SLC10A7: variants seen among roughly 807,000 people sequenced by gnomAD.
The protein encoded by SLC10A7 is solute carrier family 10 member 7.
Under a neutral mutation model 43.2 loss-of-function variants are expected in SLC10A7, and 29 were observed. That is an observed-to-expected ratio of 0.67 (90% CI 0.50 to 0.92). SLC10A7 has a LOEUF of 0.92. Among genes scored for constraint, SLC10A7 ranks in the 40% least tolerant of loss-of-function variants. The probability of loss-of-function intolerance (pLI) is 0.00; values close to 1 mark genes in which losing one functional copy is unlikely to be tolerated. For missense variants in SLC10A7, 295 were observed against 403.2 expected, an observed-to-expected ratio of 0.73 and a Z score of 2.30; for synonymous variants, 152 against 144.8, an observed-to-expected ratio of 1.05 and a Z score of -0.35.
At chr4:146,290,058 C>G (rs975892888) in intron 9 of SLC10A7, among the ~76,000 whole-genome samples, 2 of 148,692 alleles carry the variant, frequency 1.3e-5, no homozygotes, top group Admixed American at 6.7e-5. Flanking sequence ...GGCGTGGTGG[C>G]TCACGCCTGT....
intron 4 of SLC10A7, among the ~76,000 whole-genome samples, chr4:146,444,427 T>G (rs1052542959): frequency 3.3e-5 from 5 of 152,136 alleles, no homozygotes; most frequent in Non-Finnish European, 7.4e-5. Context: ...CATAGAATCA[T>G]TCGAGGAAAA....
chr4:146,379,248 G>A lies in SLC10A7; in HGVS notation c.436-53252C>T, dbSNP rs1737430906. ...AGTTCATATCAGTCTGTTTCACTGA[G>A]GTCTACATTGTTCTCAGCAATTATC... On this transcript the variant is annotated intron_variant, in intron 5 of 11. Transcript: ENST00000335472. 2.0e-5 allele frequency among the ~76,000 whole-genome samples: 3 copies of A among 152,278 alleles called. 1 individual carries two copies. The South Asian group carries it at 6.2e-4, about 32-fold the overall frequency.
intron 10 of SLC10A7, among the ~76,000 whole-genome samples, chr4:146,281,773 A>G (rs1466632600): frequency 1.3e-5 from 2 of 152,212 alleles, no homozygotes; most frequent in East Asian, 3.8e-4. Flanking sequence ...GAGTGGTAAC[A>G]TAGTTGTAAC....
chr4:146,514,938 G>A, intron 2 of SLC10A7: 1 of 552,202 alleles, frequency 1.8e-6, no homozygotes. Context: ...TTTGATGGAA[G>A]AAATGGCTTT....
rs150377267 is a variant in SLC10A7, at chr4:146,263,678, T to C, written c.848-4841A>G. ...CAGGATTCAACTAGACTTTATGAGA[T>C]GGCATTTGACTTTATGGAAGTGAAC... On this transcript the variant is annotated intron_variant, in intron 10 of 11. Coordinates refer to ENST00000335472, the MANE Select transcript of SLC10A7 (RefSeq NM_001029998.6). 3.8e-3 allele frequency among the ~76,000 whole-genome samples: 583 copies of C among 152,362 alleles called. 2 individuals are homozygous for C. The highest frequency in any genetic ancestry group is 0.013 in the African/African-American group (531 of 41,594).
At position 146,353,951 on chromosome 4, in the gene SLC10A7, G is replaced by C. The variant is rs570382072; in HGVS notation, c.436-27955C>G. Among the ~76,000 whole-genome samples, 968 of 144,662 alleles carry C rather than the reference G, an allele frequency of 6.7e-3. 16 individuals are homozygous for C. The highest frequency in any genetic ancestry group is 0.024 in the African/African-American group (912 of 38,652). 94.9% of individuals were successfully genotyped at this position (144,662 alleles called of 152,430 possible). On this transcript the variant is annotated intron_variant, in intron 5 of 11. Coordinates refer to ENST00000335472, the MANE Select transcript of SLC10A7 (RefSeq NM_001029998.6). Reference sequence around the variant, plus strand: ...ATATCATACTGAATGGGCAAAAACTGGAAGCATTCCCTTTGAAAACTGGCA... The same window carrying C: ...ATATCATACTGAATGGGCAAAAACTCGAAGCATTCCCTTTGAAAACTGGCA...
At chr4:146,273,678 A>G (rs2111065692) in intron 10 of SLC10A7, among the ~76,000 whole-genome samples, 1 of 152,178 alleles carries the variant, frequency 6.6e-6, no homozygotes, top group East Asian at 1.9e-4. Flanking sequence ...ATGGGGCTCA[A>G]ATTTAGCAGT....
At chr4:146,273,854 C>T (rs1283286088) in intron 10 of SLC10A7, among the ~76,000 whole-genome samples, 1 of 151,982 alleles carries the variant, frequency 6.6e-6, no homozygotes, top group African/African-American at 2.4e-5. Flanking sequence ...GTTTACAAGC[C>T]CTGTATTCTT....
chr4:146,347,921 G>A (rs1578947537), intron 5 of SLC10A7, among the ~76,000 whole-genome samples: 1 of 152,012 alleles, frequency 6.6e-6, no homozygotes, highest in Non-Finnish European at 1.5e-5. Flanking sequence ...TACATACATT[G>A]GCTTCTTATA....
intron 3 of SLC10A7, among the ~76,000 whole-genome samples, chr4:146,506,160 A>C (rs1040695932): frequency 6.6e-6 from 1 of 152,128 alleles, no homozygotes; most frequent in South Asian, 2.1e-4. Context: ...CATAGTTTTA[A>C]AAAGACAAAA....
intron 5 of SLC10A7, among the ~76,000 whole-genome samples, chr4:146,383,471 G>C (rs1192846015): frequency 6.6e-6 from 1 of 152,174 alleles, no homozygotes; most frequent in Non-Finnish European, 1.5e-5. Flanking sequence ...CATACACCAA[G>C]TAAGCAATGG....
chr4:146,427,881 A>T (rs1184608318), intron 5 of SLC10A7, among the ~76,000 whole-genome samples: 2 of 152,164 alleles, frequency 1.3e-5, no homozygotes, highest in Non-Finnish European at 2.9e-5. Context: ...TTATTATTTT[A>T]AAAATGGAGC....
rs1727858193 is a variant in SLC10A7, at chr4:146,255,803, T to G, written c.*688A>C. 1 of 152,192 alleles carries G rather than the reference T, an allele frequency of 6.6e-6. No homozygotes were observed. Among genetic ancestry groups the G allele is most frequent in the Non-Finnish European group, 1.5e-5 (1 of 68,034 alleles). The allele number at this position is 152,192 out of a possible 1,614,324, so 9.4% of individuals were successfully genotyped here. On this transcript the variant is annotated 3_prime_UTR_variant, in exon 12 of 12. Transcript: ENST00000335472. ...GACCCTGAAAATCAAATCACAGAGT[T>G]TAACTCAAAATTTCACATGATTTCA...
At chr4:146,452,985 G>A (rs886557715) in intron 4 of SLC10A7, among the ~76,000 whole-genome samples, 28 of 151,184 alleles carry the variant, frequency 1.9e-4, no homozygotes, top group African/African-American at 6.3e-4. Context: ...ACAGAAGTAT[G>A]TATACTATAT....
intron 10 of SLC10A7, among the ~76,000 whole-genome samples, chr4:146,267,117 G>A (rs73855120): frequency 0.012 from 1,783 of 152,194 alleles, 48 homozygotes; most frequent in East Asian, 0.084. Flanking sequence ...ACAGGGCAGT[G>A]GAAAAATGCA....
chr4:146,467,407 C>T (rs1188596576), intron 4 of SLC10A7, among the ~76,000 whole-genome samples: 2 of 150,668 alleles, frequency 1.3e-5, no homozygotes, highest in African/African-American at 2.4e-5. Context: ...AAAGACAACA[C>T]TAAATTGCTA....
intron 5 of SLC10A7, among the ~76,000 whole-genome samples, chr4:146,355,282 G>A (rs1042013929): frequency 1.3e-5 from 2 of 152,112 alleles, no homozygotes; most frequent in Non-Finnish European, 2.9e-5. Flanking sequence ...AAAAATACAT[G>A]GAAAAATGCT....
At chr4:146,461,684 A>C (rs1489806891) in intron 4 of SLC10A7, among the ~76,000 whole-genome samples, 1 of 152,006 alleles carries the variant, frequency 6.6e-6, no homozygotes, top group Non-Finnish European at 1.5e-5. Flanking sequence ...AATGTATCAA[A>C]TATAATACAT....
intron 9 of SLC10A7, among the ~76,000 whole-genome samples, chr4:146,291,902 A>G (rs893994987): frequency 2.0e-5 from 3 of 152,224 alleles, no homozygotes; most frequent in Non-Finnish European, 4.4e-5. Context: ...TGGCATTCCC[A>G]TGGTAACTTT....
Sources: allele counts gnomAD v4.1 joint callset (sites outside exome capture counted in the v4.1 genomes callset), GRCh38; gene constraint gnomAD v4.1.1; transcripts MANE v1.5; gene names NCBI Gene and HGNC (gene_info 2026-07-23, HGNC 2026-07-21).